Variants in KNSTRN observed in about 807,000 individuals in gnomAD.
KNSTRN encodes kinetochore localized astrin (SPAG5) binding protein, also known as small kinetochore-associated protein.
Under a neutral mutation model 44.7 loss-of-function variants are expected in KNSTRN, and 38 were observed. The ratio of observed to expected loss-of-function variants is 0.85; its 90% confidence interval spans 0.66 to 1.11. The LOEUF (loss-of-function observed/expected upper bound fraction) is 1.11, where lower values mean the gene tolerates loss of function less well. Ranked by LOEUF, KNSTRN falls within the 50% of genes most tolerant of loss-of-function variation. KNSTRN has a pLI of 0.00. For synonymous variants in KNSTRN, 158 were observed against 148.1 expected, an observed-to-expected ratio of 1.07 and a Z score of -0.48; for missense variants, 406 against 375.8, an observed-to-expected ratio of 1.08 and a Z score of -0.66.
chr15:40,388,610 G>T (rs1489477118), intron 4 of KNSTRN, among the ~76,000 whole-genome samples: 1 of 152,020 alleles, frequency 6.6e-6, no homozygotes, highest in Non-Finnish European at 1.5e-5. Flanking sequence ...CAGGAGAATG[G>T]TGTGAACCCA....
In KNSTRN at chr15:40,389,918, G is replaced by A. The variant is rs751449930; in HGVS notation, c.674G>A (p.Gly225Asp). Reference protein sequence around the residue: ...DNCLAILESKGLDPALGSETL... With the variant: ...DNCLAILESKDLDPALGSETL... ...TGTTTGGCAATTTTGGAGAGCAAGG[G>A]CCTTGATCCAGGTAAGAGACAGCAC... Residue 225 changes from glycine (G) to aspartate (D), a missense_variant, in exon 6 of 9, where the codon GGC becomes GAC. Gly to Asp is a moderately conservative substitution (Grantham distance 94). Coordinates refer to ENST00000249776, the MANE Select transcript of KNSTRN (RefSeq NM_033286.4). 1.2e-6 allele frequency: 2 copies of A among 1,613,968 alleles called. No individual in the cohort carries two copies. The highest frequency in any genetic ancestry group is 1.6e-4 in the Middle Eastern group (1 of 6,062).
rs199715714 is a variant in KNSTRN, at chr15:40,382,975, C to G, written c.140C>G (p.Thr47Arg). 5 of 1,612,210 alleles carry G rather than the reference C, an allele frequency of 3.1e-6. No homozygotes were observed. The highest frequency in any genetic ancestry group is 1.3e-5 in the African/African-American group (1 of 74,998). The stretch of plus-strand genomic sequence containing the variant: ...CAGGCGGCCGACTTAGCCGGTGGCA[C>G]GACAGTTGCTGCAGGGAATCTTTTA... Reference protein sequence around the residue: ...ETQAADLAGGTTVAAGNLLNE... With the variant: ...ETQAADLAGGRTVAAGNLLNE... The change falls in exon 1 of 9, where the codon ACG becomes AGG. Residue 47 changes from threonine (T) to arginine (R), a missense_variant. Physicochemically the swap from Thr to Arg is moderately conservative, Grantham distance 71. Coordinates refer to ENST00000249776, the MANE Select transcript of KNSTRN (RefSeq NM_033286.4).
Position 40,394,259 on chromosome 15 carries a change from A to G in KNSTRN, c.*662A>G, listed in dbSNP as rs912582307. Reference sequence around the variant, plus strand: ...CTTCTGTAAATATTCTGACTGTAACATTGAGGAATGAAAATAGCCTTTTAA... The same window carrying G: ...CTTCTGTAAATATTCTGACTGTAACGTTGAGGAATGAAAATAGCCTTTTAA... On this transcript the variant is annotated 3_prime_UTR_variant, in exon 9 of 9. Transcript: ENST00000249776. The G allele has an allele frequency of 1.3e-5, 2 of 152,204 alleles. No homozygotes were observed. Among genetic ancestry groups the G allele is most frequent in the Admixed American group, 6.5e-5 (1 of 15,280 alleles). The allele number at this position is 152,204 out of a possible 1,614,324, so 9.4% of individuals were successfully genotyped here. A position where few individuals can be genotyped will look rare whatever the true frequency, so the allele number is the denominator to read the frequency against.
At chr15:40,388,467 G>A (rs551094765) in intron 4 of KNSTRN, among the ~76,000 whole-genome samples, 20 of 152,276 alleles carry the variant, frequency 1.3e-4, no homozygotes, top group African/African-American at 1.4e-4. Flanking sequence ...TTGGGAGGCC[G>A]AGGCGGGTGG....
intron 8 of KNSTRN, 74 bp downstream of exon 8, chr15:40,392,097 C>T: frequency 2.2e-6 from 2 of 892,364 alleles, no homozygotes; most frequent in South Asian, 2.2e-5. Context: ...TTCTGTTTTT[C>T]TATTTATTTT....
At chr15:40,391,896 G>A in intron 7 of KNSTRN, 53 bp from the exon 8 acceptor site, 5 of 1,390,014 alleles carry the variant, frequency 3.6e-6, no homozygotes, top group Non-Finnish European at 5.0e-6. Flanking sequence ...ATCATCTAAT[G>A]CAAGTCTGGT....
intron 3 of KNSTRN, 59 bp downstream of exon 3, chr15:40,386,553 A>C: frequency 6.3e-7 from 1 of 1,577,024 alleles, no homozygotes; most frequent in Non-Finnish European, 8.6e-7. Context: ...CTCAATACAA[A>C]GAATTAGAAA....
At position 40,389,217 on chromosome 15, in the gene KNSTRN, C is replaced by T. The variant is rs186177093; in HGVS notation, c.486-289C>T. The T allele has an allele frequency of 2.9e-4, 137 of 476,052 alleles. No homozygotes were observed. The East Asian group carries it at 6.8e-3, about 24-fold the overall frequency. 29.5% of individuals were successfully genotyped at this position (476,052 alleles called of 1,614,324 possible). On this transcript the variant is annotated intron_variant, in intron 4 of 8. Coordinates refer to ENST00000249776, the MANE Select transcript of KNSTRN (RefSeq NM_033286.4). ...AGGCTGGAGTGCAATGGCGCAATCT[C>T]AGCTCACCACAACCTCCGCCTCCTG...
Position 40,383,016 on chromosome 15 carries a change from G to A in KNSTRN, c.181G>A (p.Asp61Asn). The change falls in exon 1 of 9, where the codon GAC (aspartate) becomes AAC (asparagine). Residue 61 changes from aspartate (D) to asparagine (N), a missense_variant. Physicochemically the swap from Asp to Asn is conservative, Grantham distance 23. Transcript: ENST00000249776. ...GAATCTTTTAAACGAGAGCGAGAAG[G>A]ACTGCGGGCAGGACCGGCGGGCTCC... ...AGNLLNESEKDCGQDRRAPGV... is the reference protein window; with the variant it reads ...AGNLLNESEKNCGQDRRAPGV... 6.2e-7 allele frequency: 1 copy of A among 1,611,616 alleles called. No individual in the cohort carries two copies. The highest frequency in any genetic ancestry group is 1.1e-5 in the South Asian group (1 of 90,996).
At chr15:40,383,720 G>A (rs538059483) in intron 2 of KNSTRN, among the ~76,000 whole-genome samples, 2 of 152,218 alleles carry the variant, frequency 1.3e-5, no homozygotes, top group East Asian at 1.9e-4. Context: ...GGATACTTAG[G>A]GTTCTTTGTT....
chr15:40,388,078 T>C (rs1160774724), intron 4 of KNSTRN, among the ~76,000 whole-genome samples: 1 of 152,160 alleles, frequency 6.6e-6, no homozygotes, highest in African/African-American at 2.4e-5. Context: ...AAAACTCTAA[T>C]ATTGGTTGCT....
At chr15:40,386,817 G>A (rs1301623969) in intron 3 of KNSTRN, 5 of 507,762 alleles carry the variant, frequency 9.8e-6, no homozygotes, top group Non-Finnish European at 1.8e-5. Context: ...CTAGGTTGCT[G>A]CTCTGACCAC....
At position 40,393,509 on chromosome 15, in the gene KNSTRN, G is replaced by T. The variant is rs200025938; in HGVS notation, c.863G>T (p.Arg288Leu). 1 of 1,613,856 alleles carries T rather than the reference G, an allele frequency of 6.2e-7. No individual in the cohort carries two copies. The highest frequency in any genetic ancestry group is 1.3e-5 in the African/African-American group (1 of 74,916). ...CTGGAGATGAAAGAGGAAAGAGTCC[G>T]ATTCCTAGAACAGCAAACCTTATGT... ...VKLEMKEERV[R>L]FLEQQTLCNN... Residue 288 changes from arginine to leucine, a missense_variant, in exon 9 of 9, where the codon CGA becomes CTA. Arg to Leu is a moderately radical substitution (Grantham distance 102, BLOSUM62 -2). Transcript: ENST00000249776.
chr15:40,382,866 A>G lies in KNSTRN; in HGVS notation c.31A>G (p.Arg11Gly). The G allele has an allele frequency of 6.2e-7, 1 of 1,611,914 alleles. No individual in the cohort carries two copies. The highest frequency in any genetic ancestry group is 8.5e-7 in the Non-Finnish European group (1 of 1,179,746). ...GGCTCCCGAAGCCCCGCCCCTGGAC[A>G]GAGTTTTCCGTACAACATGGCTGTC... MAAPEAPPLD[R>G]VFRTTWLSTE... is the part of the protein sequence containing the mutation. The change falls in exon 1 of 9, where the codon AGA becomes GGA. Residue 11 changes from arginine (R) to glycine (G), a missense_variant. Transcript: ENST00000249776.
At chr15:40,391,214 A>G (rs1379134338) in intron 6 of KNSTRN, among the ~76,000 whole-genome samples, 2 of 152,342 alleles carry the variant, frequency 1.3e-5, no homozygotes, top group Admixed American at 6.5e-5. Flanking sequence ...AATCCAACCT[A>G]TACATTTCCT....
At chr15:40,390,012 C>G (rs1889972083) in intron 6 of KNSTRN, 83 bp downstream of exon 6, 1 of 1,052,940 alleles carries the variant, frequency 9.5e-7, no homozygotes, top group Non-Finnish European at 1.5e-6. Context: ...AGCATGGCAT[C>G]AGCTGGCCCA....
chr15:40,390,759 C>T (rs987441655), intron 6 of KNSTRN, among the ~76,000 whole-genome samples: 2 of 151,814 alleles, frequency 1.3e-5, no homozygotes, highest in South Asian at 2.1e-4. Context: ...GGATTACAGG[C>T]GTGTACCACC....
Position 40,382,811 on chromosome 15 carries a change from C to T in KNSTRN, c.-25C>T, listed in dbSNP as rs1566921341. 3 of 1,601,442 alleles carry T rather than the reference C, an allele frequency of 1.9e-6. No homozygotes were observed. The highest frequency in any genetic ancestry group is 1.3e-5 in the African/African-American group (1 of 74,642). On this transcript the variant is annotated 5_prime_UTR_variant, in exon 1 of 9. Transcript: ENST00000249776. ...CACCTTTCGCTAGGTCTGGCTCTGG[C>T]CTCTGAGCGAACCTTCCGTACAGTA...
chr15:40,389,026 G>C (rs1034627561), intron 4 of KNSTRN: 8 of 355,508 alleles, frequency 2.3e-5, no homozygotes, highest in Admixed American at 1.9e-4. Flanking sequence ...GTATTGTCCT[G>C]ATTTCAAAAA....
Sources: gnomAD v4.1 joint callset for allele counts (sites outside exome capture counted in the v4.1 genomes callset) on GRCh38, gnomAD v4.1.1 for gene constraint, MANE v1.5 for transcripts, NCBI Gene and HGNC (gene_info 2026-07-23, HGNC 2026-07-21) for gene names.